Variants in ULK4 observed in about 807,000 individuals in gnomAD.
The protein encoded by ULK4 is unc-51 like kinase 4.
ULK4 carries 133 observed loss-of-function variants against 160.6 expected under a neutral mutation model. The observed-to-expected ratio is 0.83, with a 90% CI of 0.72 to 0.96. ULK4 has a LOEUF of 0.96. Among genes scored for constraint, ULK4 ranks in the 40% least tolerant of loss-of-function variants. ULK4 has a pLI of 0.00. For missense variants in ULK4, 1,580 were observed against 1,499.5 expected, an observed-to-expected ratio of 1.05 and a Z score of -0.89; for synonymous variants, 534 against 539.8, an observed-to-expected ratio of 0.99 and a Z score of 0.15.
At chr3:41,501,708 T>C (rs1345945668) in intron 32 of ULK4, among the ~76,000 whole-genome samples, 4 of 152,186 alleles carry the variant, frequency 2.6e-5, no homozygotes, top group African/African-American at 7.2e-5. Flanking sequence ...GTATATACAA[T>C]GCATTATTGT....
intron 1 of ULK4, among the ~76,000 whole-genome samples, chr3:41,961,374 G>A (rs76896168): frequency 0.014 from 2,187 of 152,252 alleles, 54 homozygotes; most frequent in African/African-American, 0.051. Flanking sequence ...CTGGCCTTCT[G>A]TGTTACTACA....
intron 22 of ULK4, among the ~76,000 whole-genome samples, chr3:41,722,461 T>A (rs923820510): frequency 6.6e-6 from 1 of 152,044 alleles, no homozygotes; most frequent in Non-Finnish European, 1.5e-5. Context: ...AAACCCCGTC[T>A]CCACCAAAAA....
At chr3:41,730,408 CAAAT>C (rs1202036935) in intron 22 of ULK4, among the ~76,000 whole-genome samples, 1 of 151,950 alleles carries the variant, frequency 6.6e-6, no homozygotes, top group Non-Finnish European at 1.5e-5. Flanking sequence ...AGAGAAGATT[CAAAT>C]AAATAAACTC....
intron 21 of ULK4, among the ~76,000 whole-genome samples, chr3:41,780,207 G>A (rs1003462865): frequency 6.6e-6 from 1 of 151,790 alleles, no homozygotes; most frequent in East Asian, 1.9e-4. Flanking sequence ...CAGCCACCCT[G>A]GAAGGTGGAA....
At chr3:41,507,178 CAAAAAAA>C (rs149739568) in intron 32 of ULK4, among the ~76,000 whole-genome samples, 5 of 82,106 alleles carry the variant, frequency 6.1e-5, no homozygotes, top group Non-Finnish European at 9.8e-5. Context: ...TAACCAGGAG[CAAAAAAA>C]AAAAAAAAAA....
intron 18 of ULK4, among the ~76,000 whole-genome samples, chr3:41,824,660 C>T (rs111942495): frequency 0.18 from 27,244 of 152,082 alleles, 2,509 homozygotes; most frequent in Middle Eastern, 0.32. Context: ...GTAAACAAAG[C>T]AGCCAGGAAG....
chr3:41,866,715 A>G (rs1243098918), intron 17 of ULK4, among the ~76,000 whole-genome samples: 1 of 152,216 alleles, frequency 6.6e-6, no homozygotes, highest in African/African-American at 2.4e-5. Context: ...TGTGATTCAC[A>G]GCATATGTGT....
At chr3:41,290,898 A>C (rs1345551357) in intron 35 of ULK4, among the ~76,000 whole-genome samples, 1 of 152,170 alleles carries the variant, frequency 6.6e-6, no homozygotes, top group East Asian at 1.9e-4. Context: ...GAAATTAATC[A>C]CATGACATTT....
intron 32 of ULK4, among the ~76,000 whole-genome samples, chr3:41,465,443 A>AT (rs1250510037): frequency 6.6e-6 from 1 of 152,188 alleles, no homozygotes; most frequent in Non-Finnish European, 1.5e-5. Context: ...AAATCAATGT[A>AT]TTTTTTATAT....
intron 32 of ULK4, among the ~76,000 whole-genome samples, chr3:41,518,390 G>A (rs1278283262): frequency 6.6e-6 from 1 of 152,126 alleles, no homozygotes; most frequent in African/African-American, 2.4e-5. Flanking sequence ...TTAACAATAA[G>A]ATGCACATAA....
At chr3:41,434,906 G>A (rs768335212) in intron 34 of ULK4, among the ~76,000 whole-genome samples, 3 of 152,110 alleles carry the variant, frequency 2.0e-5, no homozygotes, top group Admixed American at 6.6e-5. Context: ...TTCCCATAGC[G>A]ATCACTAGGT....
rs563377144 is a variant in ULK4, at chr3:41,327,630, G to A, written c.3678+70449C>T. 2.6e-5 allele frequency among the ~76,000 whole-genome samples: 4 copies of A among 152,312 alleles called. No homozygotes were observed. The South Asian group carries it at 8.3e-4, about 32-fold the overall frequency. On this transcript the variant is annotated intron_variant, in intron 35 of 36. Transcript: ENST00000301831. Reference sequence around the variant, plus strand: ...TGGAAATAAGACAGCCAGATGTGTAGTAATTTCATAATAACTATACACCTA... The same window carrying A: ...TGGAAATAAGACAGCCAGATGTGTAATAATTTCATAATAACTATACACCTA...
chr3:41,706,842 A>G (rs1168164491), intron 25 of ULK4, among the ~76,000 whole-genome samples: 2 of 133,876 alleles, frequency 1.5e-5, no homozygotes, highest in Non-Finnish European at 3.0e-5. Flanking sequence ...AAAAAAAAAA[A>G]AAAAATATGT....
At position 41,246,822 on chromosome 3, in the gene ULK4, C is replaced by T. The variant is rs1382765167; in HGVS notation, c.*107G>A. 7.3e-7 allele frequency: 1 copy of T among 1,363,420 alleles called. No homozygotes were observed. Among genetic ancestry groups the T allele is most frequent in the Non-Finnish European group, 1.0e-6 (1 of 985,020 alleles). The allele number at this position is 1,363,420 out of a possible 1,614,324, so 84.5% of individuals were successfully genotyped here. On this transcript the variant is annotated 3_prime_UTR_variant, in exon 37 of 37. Coordinates refer to ENST00000301831, the MANE Select transcript of ULK4 (RefSeq NM_017886.4). ...CTGGGTTAAGCTGACTTTATTAGGT[C>T]CAAAGACAGCTGTGAGGGGATGTGG...
At chr3:41,953,390 C>T (rs532925297) in intron 2 of ULK4, among the ~76,000 whole-genome samples, 1 of 149,598 alleles carries the variant, frequency 6.7e-6, no homozygotes, top group South Asian at 2.1e-4. Flanking sequence ...GCAACCTCTG[C>T]CTCCCCGGTT....
intron 30 of ULK4, among the ~76,000 whole-genome samples, chr3:41,618,225 C>T (rs1340722790): frequency 1.3e-5 from 2 of 152,066 alleles, no homozygotes; most frequent in African/African-American, 4.8e-5. Context: ...GGAGAACTTC[C>T]CCACCATAGC....
chr3:41,901,536 A>C (rs1698364239), intron 12 of ULK4, among the ~76,000 whole-genome samples: 1 of 129,978 alleles, frequency 7.7e-6, no homozygotes, highest in Non-Finnish European at 1.6e-5. Flanking sequence ...GCTGGAATGC[A>C]GTGGCACAAT....
At chr3:41,707,757 G>A (rs2036950455) in intron 25 of ULK4, among the ~76,000 whole-genome samples, 2 of 152,064 alleles carry the variant, frequency 1.3e-5, no homozygotes, top group South Asian at 2.1e-4. Flanking sequence ...GGGCCCAGGA[G>A]ATCAAGGCTG....
intron 35 of ULK4, among the ~76,000 whole-genome samples, chr3:41,267,498 G>A (rs1285523814): frequency 6.6e-6 from 1 of 152,114 alleles, no homozygotes. Context: ...CTCTATAGTA[G>A]AATGACTTAT....
Sources: gnomAD v4.1 joint callset for allele counts (sites outside exome capture counted in the v4.1 genomes callset) on GRCh38, gnomAD v4.1.1 for gene constraint, MANE v1.5 for transcripts, NCBI Gene and HGNC (gene_info 2026-07-23, HGNC 2026-07-21) for gene names.